Variants in ADCY1 observed in about 807,000 individuals in gnomAD.
ADCY1 encodes the protein adenylate cyclase type 1.
In ADCY1, 28 loss-of-function variants were observed where a neutral mutation model predicts 105.4. The observed-to-expected ratio is 0.27, with a 90% CI of 0.20 to 0.36. The LOEUF is 0.36. Among genes scored for constraint, ADCY1 ranks in the 10% least tolerant of loss-of-function variants. ADCY1 has a pLI of 1.00. For synonymous variants in ADCY1, 655 were observed against 623.8 expected (o/e 1.05, Z -0.75); for missense variants, 977 against 1,434.2 (o/e 0.68, Z 5.15).
At chr7:45,586,324 T>C (rs1419918707) in intron 1 of ADCY1, among the ~76,000 whole-genome samples, 1 of 152,184 alleles carries the variant, frequency 6.6e-6, no homozygotes, top group Admixed American at 6.5e-5. Flanking sequence ...GTGAGAATCC[T>C]TTCCCAGGTC....
chr7:45,707,114 A>G (rs1371889348), intron 17 of ADCY1, among the ~76,000 whole-genome samples: 1 of 152,198 alleles, frequency 6.6e-6, no homozygotes, highest in Non-Finnish European at 1.5e-5. Flanking sequence ...TGGGAATGCA[A>G]TCTAGGACAC....
At position 45,710,277 on chromosome 7, in the gene ADCY1, T is replaced by C. The variant is rs935841655; in HGVS notation, c.2933-251T>C. On this transcript the variant is annotated intron_variant, in intron 18 of 19. Transcript: ENST00000297323. This position sits in a 1 kb window ranked among gnomAD's most constrained non-coding sequence, Gnocchi z 4.7. Reference sequence around the variant, plus strand: ...GACTCGTTTTGAACAGCCAGTGCTGTTCCCCAGTGCAGTGGACAGTGTCGT... The same window carrying C: ...GACTCGTTTTGAACAGCCAGTGCTGCTCCCCAGTGCAGTGGACAGTGTCGT... Among the ~76,000 whole-genome samples, 41 of 152,192 alleles carry C rather than the reference T, an allele frequency of 2.7e-4. 1 individual carries two copies. The highest frequency in any genetic ancestry group is 9.4e-4 in the African/African-American group (39 of 41,460).
chr7:45,632,033 T>C (rs958580603), intron 4 of ADCY1, among the ~76,000 whole-genome samples: 3 of 152,228 alleles, frequency 2.0e-5, no homozygotes, highest in Non-Finnish European at 4.4e-5. Context: ...GTTGTTATCT[T>C]GATATCTAAT....
intron 8 of ADCY1, among the ~76,000 whole-genome samples, chr7:45,676,855 T>A (rs1784464641): frequency 1.3e-5 from 2 of 149,510 alleles, no homozygotes; most frequent in South Asian, 2.1e-4. Context: ...TTTTTTTTTT[T>A]ATGGTCTTTG....
At chr7:45,590,084 A>G (rs1036585427) in intron 1 of ADCY1, among the ~76,000 whole-genome samples, 3 of 152,154 alleles carry the variant, frequency 2.0e-5, no homozygotes, top group Admixed American at 6.5e-5. Flanking sequence ...ACCTCCATAT[A>G]GTGCAGAGAT....
chr7:45,630,598 T>A (rs1009823574), intron 4 of ADCY1, among the ~76,000 whole-genome samples: 1 of 152,182 alleles, frequency 6.6e-6, no homozygotes, highest in Non-Finnish European at 1.5e-5. Context: ...TGTCTTCATA[T>A]TGCTGTGTGT....
chr7:45,585,520 T>A (rs1462113394), intron 1 of ADCY1, among the ~76,000 whole-genome samples: 1 of 150,428 alleles, frequency 6.6e-6, no homozygotes, highest in Non-Finnish European at 1.5e-5. Flanking sequence ...CTCATCTCAC[T>A]GCATCCTCTG....
At chr7:45,587,275 T>G (rs943565903) in intron 1 of ADCY1, among the ~76,000 whole-genome samples, 3 of 152,094 alleles carry the variant, frequency 2.0e-5, no homozygotes, top group Non-Finnish European at 4.4e-5. Context: ...TGTGCTTCCA[T>G]GTATGTGCAT....
intron 11 of ADCY1, among the ~76,000 whole-genome samples, chr7:45,681,668 C>T (rs941233498): frequency 2.0e-5 from 3 of 152,094 alleles, no homozygotes; most frequent in Admixed American, 1.3e-4. Context: ...GGCTCCTGTT[C>T]GCAGGCTCTG....
intron 2 of ADCY1, among the ~76,000 whole-genome samples, chr7:45,599,720 G>A (rs921281084): frequency 1.3e-5 from 2 of 151,410 alleles, no homozygotes; most frequent in Non-Finnish European, 1.5e-5. Context: ...TCCGCCTCCC[G>A]GGTTCAAGCA....
At chr7:45,643,443 A>G (rs1033467592) in intron 4 of ADCY1, among the ~76,000 whole-genome samples, 1 of 152,132 alleles carries the variant, frequency 6.6e-6, no homozygotes, top group East Asian at 1.9e-4. Context: ...AACATTGCCA[A>G]TATTATTTTC....
intron 14 of ADCY1, among the ~76,000 whole-genome samples, chr7:45,694,161 T>C (rs1472450172): frequency 6.7e-6 from 1 of 148,984 alleles, no homozygotes; most frequent in Non-Finnish European, 1.5e-5. Context: ...CTTGACTTAA[T>C]TGACATTTAT....
intron 1 of ADCY1, among the ~76,000 whole-genome samples, chr7:45,578,704 C>T (rs568106690): frequency 5.3e-5 from 8 of 152,310 alleles, no homozygotes; most frequent in Middle Eastern, 3.4e-3. Flanking sequence ...CACAGGAGTC[C>T]GCTTCCCACC....
chr7:45,638,203 C>G lies in ADCY1; in HGVS notation c.1021-10467C>G, dbSNP rs147465105. ...TTTATGACTCCTCCTCTTCCTCCTT[C>G]GGGGACATCAGTTCCACATGTATTA... On this transcript the variant is annotated intron_variant, in intron 4 of 19. Coordinates refer to ENST00000297323, the MANE Select transcript of ADCY1 (RefSeq NM_021116.4). 9.7e-3 allele frequency among the ~76,000 whole-genome samples: 1,478 copies of G among 152,256 alleles called. 21 individuals are homozygous for G. Among genetic ancestry groups the G allele is most frequent in the Middle Eastern group, 0.014 (4 of 294 alleles).
chr7:45,649,509 G>A (rs1485234954), intron 5 of ADCY1, among the ~76,000 whole-genome samples: 1 of 152,232 alleles, frequency 6.6e-6, no homozygotes, highest in African/African-American at 2.4e-5. Context: ...CTTCATACCT[G>A]GAGCGGAAAA....
chr7:45,580,749 C>G (rs80276915), intron 1 of ADCY1, among the ~76,000 whole-genome samples: 1,703 of 152,310 alleles, frequency 0.011, 37 homozygotes, highest in African/African-American at 0.039. Context: ...TGGACTTGCC[C>G]TTTCTCCCAA....
At chr7:45,622,835 A>G (rs1361243370) in intron 4 of ADCY1, 92 bp downstream of exon 4, 15 of 965,358 alleles carry the variant, frequency 1.6e-5, no homozygotes, top group East Asian at 7.9e-5. Context: ...TGGACCATGA[A>G]CTAGACTGAT....
chr7:45,650,422 A>T (rs1675108235), intron 5 of ADCY1, among the ~76,000 whole-genome samples: 1 of 152,202 alleles, frequency 6.6e-6, no homozygotes, highest in South Asian at 2.1e-4. Context: ...CCTTGGGGGA[A>T]AATGAGGCTC....
chr7:45,659,389 T>G (rs1041585345), intron 6 of ADCY1, among the ~76,000 whole-genome samples: 1 of 152,228 alleles, frequency 6.6e-6, no homozygotes, highest in African/African-American at 2.4e-5. Flanking sequence ...GTGGGGAGTT[T>G]GCTTCTCGCC....
Sources: gnomAD v4.1 joint callset for allele counts (sites outside exome capture counted in the v4.1 genomes callset) on GRCh38, gnomAD v4.1.1 for gene constraint, Gnocchi (gnomAD v3.1) non-coding constraint, MANE v1.5 for transcripts, NCBI Gene and HGNC (gene_info 2026-07-23, HGNC 2026-07-21) for gene names.